Variants in NUP98 observed in about 807,000 individuals in gnomAD.
NUP98 encodes the protein nucleoporin 98 and 96 precursor.
NUP98 carries 26 observed loss-of-function variants against 191.9 expected under a neutral mutation model. That is an observed-to-expected ratio of 0.14 (90% CI 0.10 to 0.19). NUP98 has a LOEUF of 0.19. NUP98 is among the 10% of genes least tolerant of loss of function. The pLI, the probability that NUP98 is intolerant of heterozygous loss-of-function variation, is 1.00. For missense variants in NUP98, 1,941 were observed against 2,178.8 expected (o/e 0.89, Z 2.17); for synonymous variants, 808 against 778.4 (o/e 1.04, Z -0.63).
At position 3,732,604 on chromosome 11, in the gene NUP98, G is replaced by A. The variant is rs577764062; in HGVS notation, c.1543-1026C>T. 1.1e-4 allele frequency among the ~76,000 whole-genome samples: 16 copies of A among 152,302 alleles called. 1 individual carries two copies. In the South Asian group the frequency reaches 3.3e-3, roughly 32 times the overall value. ...GTAAACATTAATAATTAAACATTAA[G>A]TCAAACTCTGGGTACCAGAAATAAA... On this transcript the variant is annotated intron_variant, in intron 13 of 32. Transcript: ENST00000324932.
At chr11:3,781,078 T>C (rs2081951444) in intron 2 of NUP98, among the ~76,000 whole-genome samples, 1 of 150,348 alleles carries the variant, frequency 6.7e-6, no homozygotes, top group African/African-American at 2.5e-5. Context: ...CCTAGCTACT[T>C]AGGAGGCTGA....
At chr11:3,748,228 T>C (rs2080583745) in intron 11 of NUP98, among the ~76,000 whole-genome samples, 1 of 152,182 alleles carries the variant, frequency 6.6e-6, no homozygotes, top group African/African-American at 2.4e-5. Flanking sequence ...TTGCTAATCA[T>C]AACCTACAAG....
chr11:3,716,501 T>C (rs2079188022), intron 18 of NUP98, among the ~76,000 whole-genome samples: 1 of 151,692 alleles, frequency 6.6e-6, no homozygotes, highest in Non-Finnish European at 1.5e-5. Context: ...ACCTCAGGAG[T>C]TTGAGACCGG....
chr11:3,785,238 C>T (rs1337115221), intron 1 of NUP98, among the ~76,000 whole-genome samples: 1 of 151,612 alleles, frequency 6.6e-6, no homozygotes, highest in Non-Finnish European at 1.5e-5. Flanking sequence ...TCATGAAGAA[C>T]CTGATAATTA....
chr11:3,770,790 C>T (rs1487180785), intron 7 of NUP98, among the ~76,000 whole-genome samples: 1 of 152,108 alleles, frequency 6.6e-6, no homozygotes, highest in Non-Finnish European at 1.5e-5. Context: ...TTTCACATCC[C>T]ACATTAAACC....
chr11:3,786,499 A>T (rs2082145321), intron 1 of NUP98, among the ~76,000 whole-genome samples: 1 of 152,188 alleles, frequency 6.6e-6, no homozygotes, highest in South Asian at 2.1e-4. Flanking sequence ...AGAAAAATGA[A>T]ATAGTGTTAT....
At chr11:3,713,195 T>G (rs16929782) in intron 19 of NUP98, among the ~76,000 whole-genome samples, 2,100 of 152,098 alleles carry the variant, frequency 0.014, 45 homozygotes, top group African/African-American at 0.049. Flanking sequence ...ATAGGAAGAG[T>G]TGATCCAATA....
intron 2 of NUP98, among the ~76,000 whole-genome samples, chr11:3,780,582 A>G (rs1341627008): frequency 6.6e-6 from 1 of 151,020 alleles, no homozygotes; most frequent in Non-Finnish European, 1.5e-5. Flanking sequence ...AAAGAAAAAG[A>G]AAAACTTCCT....
intron 4 of NUP98, 101 bp downstream of exon 4, chr11:3,778,767 TAGTAG>T: frequency 8.3e-7 from 1 of 1,199,720 alleles, no homozygotes; most frequent in Admixed American, 2.2e-5. Flanking sequence ...TTTTGCCATT[TAGTAG>T]GAAAAGAAGG....
chr11:3,791,161 C>T (rs948318770), intron 1 of NUP98, among the ~76,000 whole-genome samples: 1 of 152,032 alleles, frequency 6.6e-6, no homozygotes, highest in African/African-American at 2.4e-5. Context: ...TCCCAAAGTG[C>T]TGGGATTACA....
chr11:3,747,159 G>A lies in NUP98; in HGVS notation c.1268-2510C>T, dbSNP rs114070089. ...TAATTTGTCAAGATAGGAAAAATGT[G>A]CTATATTTATGATTAGCTGTAGCAG... On this transcript the variant is annotated intron_variant, in intron 11 of 32. Transcript: ENST00000324932. Among the ~76,000 whole-genome samples, 617 of 152,252 alleles carry A rather than the reference G, an allele frequency of 4.1e-3. 2 individuals are homozygous for A. The highest frequency in any genetic ancestry group is 0.014 in the African/African-American group (581 of 41,556).
intron 18 of NUP98, chr11:3,714,674 C>G (rs1342720052): frequency 6.1e-6 from 1 of 163,688 alleles, no homozygotes; most frequent in Non-Finnish European, 1.3e-5. Context: ...GACTGGCTTA[C>G]TTCACTTAGC....
chr11:3,702,309 ACACACTCTCTCTCTCTCTCTCTCTCT>A (rs1486638671), intron 23 of NUP98, among the ~76,000 whole-genome samples, 128 bp downstream of exon 23: 41 of 53,830 alleles, frequency 7.6e-4, no homozygotes, highest in Admixed American at 1.8e-3. Flanking sequence ...ACACACACAC[ACACACTCTCTCTCTCTCTCTCTCTCT>A]CTCTCTCTCT....
intron 29 of NUP98, among the ~76,000 whole-genome samples, chr11:3,685,084 A>AT (rs2078099318): frequency 6.6e-6 from 1 of 152,246 alleles, no homozygotes; most frequent in African/African-American, 2.4e-5. Flanking sequence ...CTCACAGGTC[A>AT]TAATGAACAT....
intron 16 of NUP98, chr11:3,721,040 C>A (rs931757483): frequency 2.8e-6 from 1 of 359,242 alleles, no homozygotes. Context: ...GTTTGAAGAA[C>A]ATACATATGA....
chr11:3,739,447 C>T (rs761995122), intron 12 of NUP98, among the ~76,000 whole-genome samples: 2 of 152,060 alleles, frequency 1.3e-5, no homozygotes, highest in African/African-American at 2.4e-5. Flanking sequence ...CGGGGTTTCA[C>T]CATGTTGGCC....
intron 10 of NUP98, among the ~76,000 whole-genome samples, chr11:3,759,596 C>T (rs948665260): frequency 6.6e-6 from 1 of 151,960 alleles, no homozygotes; most frequent in African/African-American, 2.4e-5. Flanking sequence ...GAGACTACAC[C>T]TCAAAAATAA....
rs1345574445 is a variant in NUP98, at chr11:3,686,089, G to A, written c.4560C>T (p.Tyr1520=). ...CTTCACACTGCGCTGAGAGATGGGT[G>A]TAGTTAAGAGCCCTCAGCACTTCCC... ...HLWEVLRALN[Y]THLSAQCEGV... is the part of the protein sequence containing the mutation. Residue 1520 remains tyrosine, a synonymous_variant, in exon 29 of 33, where the codon TAC becomes TAT. Coordinates refer to ENST00000324932, the MANE Select transcript of NUP98 (RefSeq NM_016320.5). 3 of 1,614,224 alleles carry A rather than the reference G, an allele frequency of 1.9e-6. No individual in the cohort carries two copies. The highest frequency in any genetic ancestry group is 1.7e-5 in the Admixed American group (1 of 60,024).
rs1310989967 is a variant in NUP98 at position 3,702,326 on chromosome 11, CTCTCT to C, written c.3512+132_3512+136del. Reference sequence around the variant, plus strand: ...ACACACACACACACTCTCTCTCTCTCTCTCTCTCTCTCTCTCTCTCTCTCTCTCTC... The same window carrying C: ...ACACACACACACACTCTCTCTCTCTCCTCTCTCTCTCTCTCTCTCTCTCTC... On this transcript the variant is annotated intron_variant, in intron 23 of 32. Transcript: ENST00000324932. 4.3e-4 allele frequency: 91 copies of C among 210,232 alleles called. 1 individual carries two copies. Among genetic ancestry groups the C allele is most frequent in the Admixed American group, 5.6e-4 (10 of 17,736 alleles). The allele number at this position is 210,232 out of a possible 1,614,324, so 13.0% of individuals were successfully genotyped here.
Sources: allele counts gnomAD v4.1 joint callset (sites outside exome capture counted in the v4.1 genomes callset), GRCh38; gene constraint gnomAD v4.1.1; transcripts MANE v1.5; gene names NCBI Gene and HGNC (gene_info 2026-07-23, HGNC 2026-07-21).